Variants in SNRNP35 observed in about 807,000 individuals in gnomAD.
SNRNP35 encodes small nuclear ribonucleoprotein U11/U12 subunit 35, also known as U11/U12 small nuclear ribonucleoprotein 35 kDa protein.
In SNRNP35, 16 loss-of-function variants were observed where a neutral mutation model predicts 24.3. The ratio of observed to expected loss-of-function variants is 0.66; its 90% confidence interval spans 0.45 to 1.00. SNRNP35 has a LOEUF of 1.00. Among genes scored for constraint, SNRNP35 ranks in the 50% least tolerant of loss-of-function variants. The pLI, the probability that SNRNP35 is intolerant of heterozygous loss-of-function variation, is 0.00. For missense variants in SNRNP35, 292 were observed against 327.2 expected (o/e 0.89, Z 0.83); for synonymous variants, 106 against 124.8 (o/e 0.85, Z 1.00).
intron 1 of SNRNP35, chr12:123,459,930 A>G: frequency 3.6e-6 from 5 of 1,389,764 alleles, no homozygotes; most frequent in Non-Finnish European, 5.1e-6. Context: ...TGCAGATGAG[A>G]GAGAGAACAA....
downstream of SNRNP35, among the ~76,000 whole-genome samples, chr12:123,468,643 T>C (rs1163683577): frequency 1.3e-5 from 2 of 151,568 alleles, no homozygotes; most frequent in African/African-American, 2.4e-5. Flanking sequence ...TGAGCTGAGA[T>C]TGTGCCACTG....
chr12:123,471,520 G>A (rs909483487), downstream of SNRNP35: 1 of 152,236 alleles, frequency 6.6e-6, no homozygotes, highest in African/African-American at 2.4e-5. Flanking sequence ...GAAAGACAGT[G>A]TTATGTGGGC....
exon 2 of SNRNP35, chr12:123,472,519 G>T (rs763337872): frequency 2.3e-5 from 36 of 1,550,214 alleles, no homozygotes; most frequent in Non-Finnish European, 3.1e-5. Context: ...CCAGGTTGGA[G>T]GGTGGAGATG....
In SNRNP35 at chr12:123,465,658, G is replaced by C; in HGVS notation, c.118G>C (p.Val40Leu). ...AVWRAMLARY[V>L]PNKGVIGDPL... is the part of the protein sequence containing the mutation. ...CTGGAGGGCAATGCTGGCACGATAT[G>C]TCCCCAACAAAGGTGTCATAGGAGA... Residue 40 changes from valine (V) to leucine (L), a missense_variant, in exon 2 of 2, where the codon GTC becomes CTC. Coordinates refer to ENST00000526639, the MANE Select transcript of SNRNP35 (RefSeq NM_022717.4). The surrounding 1 kb of genome is among the most constrained non-coding windows in gnomAD (Gnocchi z 4.2). 6.2e-7 allele frequency: 1 copy of C among 1,613,956 alleles called. No individual in the cohort carries two copies. Among genetic ancestry groups the C allele is most frequent in the Non-Finnish European group, 8.5e-7 (1 of 1,179,958 alleles).
chr12:123,461,857 G>C (rs1007042275), intron 1 of SNRNP35, among the ~76,000 whole-genome samples: 4 of 151,890 alleles, frequency 2.6e-5, no homozygotes, highest in African/African-American at 9.7e-5. Flanking sequence ...AAGTAGCTGG[G>C]ACTGCAGGCG....
rs1450174698 is a variant in SNRNP35, at chr12:123,466,740, G to T, written c.*459G>T. 1 of 152,730 alleles carries T rather than the reference G, an allele frequency of 6.5e-6. No individual in the cohort carries two copies. Among genetic ancestry groups the T allele is most frequent in the East Asian group, 1.9e-4 (1 of 5,194 alleles). 9.5% of individuals were successfully genotyped at this position (152,730 alleles called of 1,614,324 possible). A position where few individuals can be genotyped will look rare whatever the true frequency, so the allele number is the denominator to read the frequency against. On this transcript the variant is annotated 3_prime_UTR_variant, in exon 2 of 2. Transcript: ENST00000526639. Reference sequence around the variant, plus strand: ...ATTTTTGTATTTTTAGTGGAGATGGGGTTTCACCATGTTGGTCAGGCTGTT... The same window carrying T: ...ATTTTTGTATTTTTAGTGGAGATGGTGTTTCACCATGTTGGTCAGGCTGTT...
exon 2 of SNRNP35, chr12:123,472,696 A>G (rs1881275694): frequency 1.3e-6 from 2 of 1,589,724 alleles, no homozygotes; most frequent in Non-Finnish European, 1.7e-6. Context: ...TGGAAGGGAA[A>G]GCAAACACAG....
At position 123,466,368 on chromosome 12, in the gene SNRNP35, T is replaced by C; in HGVS notation, c.*87T>C. 1 of 1,322,376 alleles carries C rather than the reference T, an allele frequency of 7.6e-7. No homozygotes were observed. Among genetic ancestry groups the C allele is most frequent in the Non-Finnish European group, 1.0e-6 (1 of 980,820 alleles). 81.9% of individuals were successfully genotyped at this position (1,322,376 alleles called of 1,614,324 possible). On this transcript the variant is annotated 3_prime_UTR_variant, in exon 2 of 2. Coordinates refer to ENST00000526639, the MANE Select transcript of SNRNP35 (RefSeq NM_022717.4). ...TTCAACGCAGCGTGAGTCTAATGGT[T>C]GAATAAAACTTACTGATGATCATGG...
At chr12:123,468,778 A>G (rs1411300119), downstream of SNRNP35, among the ~76,000 whole-genome samples, 2 of 152,234 alleles carry the variant, frequency 1.3e-5, no homozygotes, top group Non-Finnish European at 2.9e-5. Flanking sequence ...CTTTGAAAGA[A>G]AAACAATGGT....
chr12:123,464,240 GTTTT>G (rs1173653190), intron 1 of SNRNP35, among the ~76,000 whole-genome samples: 1 of 123,956 alleles, frequency 8.1e-6, no homozygotes. Flanking sequence ...GCCAGCCAAG[GTTTT>G]TTTTTTTTTT....
intron 1 of SNRNP35, among the ~76,000 whole-genome samples, chr12:123,460,132 C>T (rs999782243): frequency 2.0e-5 from 3 of 152,076 alleles, no homozygotes; most frequent in Non-Finnish European, 4.4e-5. Context: ...GCACCGGGCC[C>T]CTTGTGACTT....
chr12:123,464,714 A>G (rs1880847160), intron 1 of SNRNP35: 1 of 152,226 alleles, frequency 6.6e-6, no homozygotes, highest in African/African-American at 2.4e-5. Context: ...TGCTTGCTGG[A>G]CAAAAAATTA....
chr12:123,472,898 G>A (rs940186318), exon 2 of SNRNP35: 76 of 541,240 alleles, frequency 1.4e-4, no homozygotes, highest in Non-Finnish European at 2.1e-4. Flanking sequence ...GAGGTCACGC[G>A]GTATGGGCAA....
chr12:123,472,470 TG>T, exon 2 of SNRNP35: 1 of 1,531,220 alleles, frequency 6.5e-7, no homozygotes, highest in Non-Finnish European at 8.8e-7. Context: ...CAATGACCCC[TG>T]GGCTGCAGTT....
At chr12:123,469,808 C>G (rs1319184535), downstream of SNRNP35, among the ~76,000 whole-genome samples, 1 of 151,732 alleles carries the variant, frequency 6.6e-6, no homozygotes, top group East Asian at 1.9e-4. Flanking sequence ...TTGGCCCTCT[C>G]TAGGATATTT....
exon 2 of SNRNP35, chr12:123,473,147 CTG>C (rs1322674685): frequency 5.8e-6 from 1 of 171,498 alleles, no homozygotes; most frequent in East Asian, 1.5e-4. Context: ...AGTCAGGAAA[CTG>C]TGGCCCAGAT....
At position 123,459,753 on chromosome 12, in the gene SNRNP35, C is replaced by T. The variant is rs535894468; in HGVS notation, c.-4+1537C>T. 2.9e-4 allele frequency: 370 copies of T among 1,294,740 alleles called. 1 individual carries two copies. The African/African-American group carries it at 4.8e-3, about 17-fold the overall frequency. 80.2% of individuals were successfully genotyped at this position (1,294,740 alleles called of 1,614,324 possible). A position where few individuals can be genotyped will look rare whatever the true frequency, so the allele number is the denominator to read the frequency against. ...CAGTGAGCCGAGATTGGCCATTGCA[C>T]TCCAGCCTGGGTGACAGAGTGAGAC... is the stretch of plus-strand genomic sequence containing the variant. On this transcript the variant is annotated intron_variant, in intron 1 of 1. Coordinates refer to ENST00000526639, the MANE Select transcript of SNRNP35 (RefSeq NM_022717.4).
At chr12:123,469,644 C>T (rs375568866), downstream of SNRNP35, among the ~76,000 whole-genome samples, 1 of 152,136 alleles carries the variant, frequency 6.6e-6, no homozygotes, top group South Asian at 2.1e-4. Context: ...TAGGTGTACA[C>T]CACCACACCC....
chr12:123,461,417 C>T (rs1026657325), intron 1 of SNRNP35, among the ~76,000 whole-genome samples: 6 of 151,924 alleles, frequency 3.9e-5, no homozygotes, highest in South Asian at 2.1e-4. Flanking sequence ...TGAGCCACCG[C>T]GCCCGGCTGC....
Sources: allele counts gnomAD v4.1 joint callset (sites outside exome capture counted in the v4.1 genomes callset), GRCh38; gene constraint gnomAD v4.1.1; non-coding constraint Gnocchi (gnomAD v3.1); transcripts MANE v1.5; gene names NCBI Gene and HGNC (gene_info 2026-07-23, HGNC 2026-07-21).